MED12L: variants seen among roughly 807,000 people sequenced by gnomAD.
MED12L encodes mediator of RNA polymerase II transcription subunit 12-like protein.
In MED12L, 60 loss-of-function variants were observed where a neutral mutation model predicts 281.3. The observed-to-expected ratio is 0.21, with a 90% CI of 0.17 to 0.26. The LOEUF (loss-of-function observed/expected upper bound fraction) is 0.26. Ranked by LOEUF, MED12L falls within the 10% of genes least tolerant of loss-of-function variation. MED12L has a pLI of 1.00. For synonymous variants in MED12L, 974 were observed against 987.2 expected, an observed-to-expected ratio of 0.99 and a Z score of 0.25; for missense variants, 2,146 against 2,680.9, an observed-to-expected ratio of 0.80 and a Z score of 4.41.
chr3:151,123,224 G>T (rs1013712341), intron 4 of MED12L, among the ~76,000 whole-genome samples: 1 of 152,060 alleles, frequency 6.6e-6, no homozygotes, highest in Non-Finnish European at 1.5e-5. Context: ...AGGTAGACAA[G>T]ATTTTAAAAT....
chr3:151,344,175 T>C (rs1752251991), intron 16 of MED12L, among the ~76,000 whole-genome samples: 2 of 152,030 alleles, frequency 1.3e-5, no homozygotes, highest in Non-Finnish European at 2.9e-5. Flanking sequence ...GACTAGTAGA[T>C]ATATAAATAT....
intron 16 of MED12L, among the ~76,000 whole-genome samples, chr3:151,282,985 CA>C (rs1743014062): frequency 6.6e-6 from 1 of 152,054 alleles, no homozygotes; most frequent in African/African-American, 2.4e-5. Context: ...GATAAGTCAC[CA>C]CATTATAAAA....
intron 5 of MED12L, among the ~76,000 whole-genome samples, chr3:151,152,275 AT>A (rs1056322871): frequency 6.6e-6 from 1 of 150,802 alleles, no homozygotes; most frequent in African/African-American, 2.4e-5. Context: ...AATTTTGTTG[AT>A]TTTTTTGTAA....
chr3:151,396,193 C>T (rs1370302816), intron 39 of MED12L, among the ~76,000 whole-genome samples: 1 of 141,532 alleles, frequency 7.1e-6, no homozygotes, highest in Non-Finnish European at 1.6e-5. Flanking sequence ...CCATTTAAAA[C>T]CTCATTGGGA....
chr3:151,192,634 G>A lies in MED12L; in HGVS notation c.2053G>A (p.Asp685Asn). 2.0e-6 allele frequency: 3 copies of A among 1,535,964 alleles called. No individual in the cohort carries two copies. Among genetic ancestry groups the A allele is most frequent in the Non-Finnish European group, 2.6e-6 (3 of 1,146,420 alleles). The change falls in exon 15 of 45, where the codon GAC becomes AAC. Residue 685 changes from aspartate to asparagine, a missense_variant. This residue lies in a region of MED12L where 722 missense variants were observed against 861.2 expected (regional missense o/e 0.84). Transcript: ENST00000687756. The stretch of plus-strand genomic sequence containing the variant: ...AGTAGACAAGAGTGACTTTAAAACT[G>A]ACTTTGGTTCGGAATTTCCAGTAGG... ...DEVDKSDFKT[D>N]FGSEFPIFSP...
At chr3:151,136,736 CAT>C (rs1484912689) in intron 5 of MED12L, among the ~76,000 whole-genome samples, 12 of 152,180 alleles carry the variant, frequency 7.9e-5, no homozygotes, top group East Asian at 3.8e-4. Context: ...GGCTTTCTCT[CAT>C]GTGATAAATT....
chr3:151,093,255 G>C (rs140315433), intron 2 of MED12L, among the ~76,000 whole-genome samples: 1,561 of 152,280 alleles, frequency 0.01, 16 homozygotes, highest in Admixed American at 0.029. Context: ...AGTGAGCTGT[G>C]ATCTTGCCAT....
chr3:151,259,716 A>T (rs1354147548), intron 16 of MED12L, among the ~76,000 whole-genome samples: 1 of 152,246 alleles, frequency 6.6e-6, no homozygotes, highest in Non-Finnish European at 1.5e-5. Context: ...CTGTGTATAA[A>T]TACTCTGTGT....
intron 21 of MED12L, among the ~76,000 whole-genome samples, chr3:151,361,581 T>C (rs1754620359): frequency 1.3e-5 from 2 of 152,196 alleles, no homozygotes; most frequent in African/African-American, 4.8e-5. Context: ...TATTTTATTG[T>C]TTAATGAGTC....
At chr3:151,165,200 G>A (rs1471046780) in intron 9 of MED12L, among the ~76,000 whole-genome samples, 1 of 152,072 alleles carries the variant, frequency 6.6e-6, no homozygotes, top group Non-Finnish European at 1.5e-5. Context: ...AATTTTGCAA[G>A]CATTTATTTT....
At chr3:151,421,451 C>A (rs1449008065) in intron 43 of MED12L, among the ~76,000 whole-genome samples, 1 of 151,896 alleles carries the variant, frequency 6.6e-6, no homozygotes, top group African/African-American at 2.4e-5. Context: ...TGCTCTCTCA[C>A]CCAGGCTGGA....
chr3:151,355,129 G>A lies in MED12L; in HGVS notation c.2407G>A (p.Glu803Lys), dbSNP rs2150047615. The change falls in exon 18 of 45, where the codon GAA becomes AAA. Residue 803 changes from glutamate (E) to lysine (K), a missense_variant. Physicochemically the swap from Glu to Lys is moderately conservative, Grantham distance 56 (BLOSUM62 1). Coordinates refer to ENST00000687756, the MANE Select transcript of MED12L (RefSeq NM_001393769.1). ...KSTTETGVGD[E>K]GQKARKNKQE... ...GCTTTATGTTTATGTAGTTGGGGAC[G>A]AAGGACAAAAAGCCAGGAAGAACAA... 3.1e-6 allele frequency: 5 copies of A among 1,613,188 alleles called. No individual in the cohort carries two copies. Among genetic ancestry groups the A allele is most frequent in the Non-Finnish European group, 3.4e-6 (4 of 1,179,288 alleles).
intron 16 of MED12L, among the ~76,000 whole-genome samples, chr3:151,306,727 G>A (rs1746715016): frequency 6.6e-6 from 1 of 152,198 alleles, no homozygotes; most frequent in Non-Finnish European, 1.5e-5. Flanking sequence ...GCCCTGCCAT[G>A]GCAATGCTTT....
chr3:151,196,621 G>A (rs1724692757), intron 16 of MED12L, among the ~76,000 whole-genome samples: 1 of 152,180 alleles, frequency 6.6e-6, no homozygotes, highest in South Asian at 2.1e-4. Context: ...AGCAAACACA[G>A]GTTCTAGTGG....
intron 30 of MED12L, 55 bp downstream of exon 30, chr3:151,377,233 A>C: frequency 6.9e-7 from 1 of 1,451,822 alleles, no homozygotes; most frequent in Non-Finnish European, 9.4e-7. Flanking sequence ...AAGTAACGGT[A>C]AATTTTGTGT....
chr3:151,193,420 T>C (rs1218900758), intron 15 of MED12L, 70 bp from the exon 16 acceptor site: 13 of 1,186,178 alleles, frequency 1.1e-5, no homozygotes, highest in Non-Finnish European at 1.5e-5. Flanking sequence ...TGTGTTTTGG[T>C]ATGTAGCACT....
chr3:151,217,252 C>A (rs1356408671), intron 16 of MED12L, among the ~76,000 whole-genome samples: 1 of 152,054 alleles, frequency 6.6e-6, no homozygotes, highest in Non-Finnish European at 1.5e-5. Flanking sequence ...GACATAATTC[C>A]TTTTCTTATA....
At chr3:151,408,296 C>A (rs747918704) in intron 39 of MED12L, among the ~76,000 whole-genome samples, 7 of 152,324 alleles carry the variant, frequency 4.6e-5, no homozygotes, top group Non-Finnish European at 7.4e-5. Flanking sequence ...TCGTTGATAT[C>A]CTTCCTCTTA....
intron 25 of MED12L, among the ~76,000 whole-genome samples, chr3:151,368,586 ATTTATTTTATTTTATTTTATTTTAT>A (rs71637017): frequency 0.12 from 14,343 of 120,296 alleles, 1,999 homozygotes; most frequent in African/African-American, 0.31. Context: ...GGCAATGGTG[ATTTATTTTATTTTATTTTATTTTAT>A]TTTATTTTAT....
Sources: allele counts gnomAD v4.1 joint callset (sites outside exome capture counted in the v4.1 genomes callset), GRCh38; gene constraint gnomAD v4.1.1; regional missense constraint gnomAD v4.1.1; transcripts MANE v1.5; gene names NCBI Gene and HGNC (gene_info 2026-07-23, HGNC 2026-07-21).